The following SLC5A6 variants were observed in gnomAD, a reference collection of about 807,000 sequenced individuals.
SLC5A6 encodes the protein sodium-dependent multivitamin transporter.
A neutral mutation model predicts 67.9 loss-of-function variants in SLC5A6; 31 were observed. The ratio of observed to expected loss-of-function variants is 0.46; its 90% CI spans 0.34 to 0.62. The LOEUF (loss-of-function observed/expected upper bound fraction) is 0.62, where lower values mean the gene tolerates loss of function less well. Ranked by LOEUF, SLC5A6 falls within the 20% of genes least tolerant of loss-of-function variation. The pLI, the probability that SLC5A6 is intolerant of heterozygous loss-of-function variation, is 0.01. For missense variants in SLC5A6, 673 were observed against 812.8 expected (o/e 0.83, Z 2.09); for synonymous variants, 343 against 331.0 (o/e 1.04, Z -0.39).
rs906221497 is a variant in SLC5A6 at position 27,199,628 on chromosome 2, T to C, written c.*808A>G. On this transcript the variant is annotated 3_prime_UTR_variant, in exon 17 of 17. Coordinates refer to ENST00000310574, the MANE Select transcript of SLC5A6 (RefSeq NM_021095.4). ...AGTTTTTATTCCCCAGGAACAAAGA[T>C]AATGTGGAGAAGAAACTCCAAAAGG... 9 of 152,358 alleles carry C rather than the reference T, an allele frequency of 5.9e-5. No individual in the cohort carries two copies. Among genetic ancestry groups the C allele is most frequent in the Admixed American group, 5.9e-4 (9 of 15,268 alleles). The allele number at this position is 152,358 out of a possible 1,614,324, so 9.4% of individuals were successfully genotyped here.
At chr2:27,203,955 C>T in intron 9 of SLC5A6, 88 bp from the exon 10 acceptor site, 1 of 937,072 alleles carries the variant, frequency 1.1e-6, no homozygotes, top group Non-Finnish European at 1.7e-6. Context: ...TACATGTGCC[C>T]CAGCGAGTCT....
chr2:27,203,346 C>A lies in SLC5A6; in HGVS notation c.1095-1G>T. ...TGAATTAAAAGCAGAGGATATAGTG[C>A]TGAAAAAGAGGAAGAGGATGAGGAG... On this transcript the variant is annotated splice_acceptor_variant, in intron 10 of 16. Transcript: ENST00000310574. LOFTEE classifies it high-confidence loss of function. 1 of 1,613,808 alleles carries A rather than the reference C, an allele frequency of 6.2e-7. No individual in the cohort carries two copies. Among genetic ancestry groups the A allele is most frequent in the Non-Finnish European group, 8.5e-7 (1 of 1,179,900 alleles).
Position 27,203,780 on chromosome 2 carries a change from TGA to T in SLC5A6, c.1091_1092del (p.Leu364GlnfsTer8). 6.2e-7 allele frequency: 1 copy of T among 1,612,236 alleles called. No individual in the cohort carries two copies. The highest frequency in any genetic ancestry group is 8.5e-7 in the Non-Finnish European group (1 of 1,178,380). ...LFIACLFSGS[L>X]STISSAFNSL... ...GAGGGAAATCGTTAAAGTGGGTACC[TGA>T]GAGAGCCGCTGAAGAGGCAGGCAAT... On this transcript the variant is annotated frameshift_variant and splice_region_variant, in exon 10 of 17. Coordinates refer to ENST00000310574, the MANE Select transcript of SLC5A6 (RefSeq NM_021095.4). LOFTEE classifies it high-confidence loss of function.
At chr2:27,210,136 G>A (rs1252049255) in intron 2 of SLC5A6, among the ~76,000 whole-genome samples, 1 of 152,180 alleles carries the variant, frequency 6.6e-6, no homozygotes, top group Non-Finnish European at 1.5e-5. Context: ...TATGGGACAC[G>A]GAGGTACAGA....
chr2:27,200,340 C>G lies in SLC5A6; in HGVS notation c.*96G>C. The G allele has an allele frequency of 8.0e-7, 1 of 1,254,308 alleles. No homozygotes were observed. The highest frequency in any genetic ancestry group is 1.1e-6 in the Non-Finnish European group (1 of 910,606). 77.7% of individuals were successfully genotyped at this position (1,254,308 alleles called of 1,614,324 possible). On this transcript the variant is annotated 3_prime_UTR_variant, in exon 17 of 17. Coordinates refer to ENST00000310574, the MANE Select transcript of SLC5A6 (RefSeq NM_021095.4). ...TATGAGCTAGATCATCCAGGCCTGT[C>G]CCTGCAGAACACACCAAGACTCATC...
upstream of SLC5A6, chr2:27,212,281 C>T: frequency 5.1e-6 from 8 of 1,554,124 alleles, no homozygotes; most frequent in Non-Finnish European, 7.0e-6. Flanking sequence ...GCCGCTTAGG[C>T]CACGCCCGGG....
intron 2 of SLC5A6, among the ~76,000 whole-genome samples, chr2:27,210,632 C>T (rs1310404067): frequency 6.9e-6 from 1 of 144,992 alleles, no homozygotes; most frequent in Non-Finnish European, 1.5e-5. Flanking sequence ...TTAGTAGAGA[C>T]GAGATTTCAC....
rs1199488098 is a variant in SLC5A6, at chr2:27,200,084, G to A, written c.*352C>T. On this transcript the variant is annotated 3_prime_UTR_variant, in exon 17 of 17. Coordinates refer to ENST00000310574, the MANE Select transcript of SLC5A6 (RefSeq NM_021095.4). ...AGGCCCTGGGGCAATTATAACCAGA[G>A]TGCTGTTTCTAGCCACTTACTTCAA... is the stretch of plus-strand genomic sequence containing the variant. The A allele has an allele frequency of 5.6e-6, 1 of 179,434 alleles. No individual in the cohort carries two copies. Among genetic ancestry groups the A allele is most frequent in the Non-Finnish European group, 1.2e-5 (1 of 85,446 alleles). The allele number at this position is 179,434 out of a possible 1,614,324, so 11.1% of individuals were successfully genotyped here. A position where few individuals can be genotyped will look rare whatever the true frequency, so the allele number is the denominator to read the frequency against.
chr2:27,207,607 G>A lies in SLC5A6; in HGVS notation c.44C>T (p.Ser15Leu), dbSNP rs200072589. The change falls in exon 3 of 17, where the codon TCG becomes TTG. Residue 15 changes from serine to leucine, a missense_variant. Transcript: ENST00000310574. The surrounding 1 kb of genome is among the most constrained non-coding windows in gnomAD (Gnocchi z 5.5). Reference sequence around the variant, plus strand: ...GGTAGACATGCCCACGCTTGTGCCCGAGGTTGGGGAAAGAGGGGCTGAGGT... The same window carrying A: ...GGTAGACATGCCCACGCTTGTGCCCAAGGTTGGGGAAAGAGGGGCTGAGGT... ...VSTSAPLSPT[S>L]GTSVGMSTFS... 6.3e-5 allele frequency: 102 copies of A among 1,614,206 alleles called. No homozygotes were observed. Among genetic ancestry groups the A allele is most frequent in the East Asian group, 1.1e-4 (5 of 44,884 alleles).
rs199539518 is a variant in SLC5A6, at chr2:27,207,666, G to A, written c.-16C>T. The A allele has an allele frequency of 2.4e-5, 38 of 1,596,554 alleles. No homozygotes were observed. The highest frequency in any genetic ancestry group is 2.8e-5 in the Non-Finnish European group (33 of 1,168,110). ...CTACACTCATATCCTCACTGTGTCT[G>A]TGATCTGCAGCCAGTTGCTGCTCCA... On this transcript the variant is annotated 5_prime_UTR_variant, in exon 3 of 17. Coordinates refer to ENST00000310574, the MANE Select transcript of SLC5A6 (RefSeq NM_021095.4). This position sits in a 1 kb window ranked among gnomAD's most constrained non-coding sequence, Gnocchi z 5.5.
rs1674588116 is a variant in SLC5A6 at position 27,212,194 on chromosome 2, G to C, written c.-382C>G. 2 of 1,551,322 alleles carry C rather than the reference G, an allele frequency of 1.3e-6. No homozygotes were observed. Among genetic ancestry groups the C allele is most frequent in the African/African-American group, 2.7e-5 (2 of 73,134 alleles). On this transcript the variant is annotated 5_prime_UTR_variant, in exon 1 of 17. Coordinates refer to ENST00000310574, the MANE Select transcript of SLC5A6 (RefSeq NM_021095.4). Reference sequence around the variant, plus strand: ...GGTCGGCCAGTATCCCCGAAAGAGGGCTAGGGCGCATGAAGACCAGCGCAG... The same window carrying C: ...GGTCGGCCAGTATCCCCGAAAGAGGCCTAGGGCGCATGAAGACCAGCGCAG...
At chr2:27,210,418 A>G (rs1674385078) in intron 2 of SLC5A6, among the ~76,000 whole-genome samples, 1 of 150,990 alleles carries the variant, frequency 6.6e-6, no homozygotes, top group South Asian at 2.1e-4. Flanking sequence ...CACAAACAGC[A>G]GATTGTGGGA....
chr2:27,211,982 C>A (rs1271143577), intron 1 of SLC5A6, 38 bp downstream of exon 1: 2 of 581,946 alleles, frequency 3.4e-6, no homozygotes. Context: ...CCCCTGCCCG[C>A]CCCCTGCCCG....
chr2:27,204,004 G>C, intron 9 of SLC5A6, 137 bp from the exon 10 acceptor site: 1 of 647,534 alleles, frequency 1.5e-6, no homozygotes. Context: ...CCAGGGCCTG[G>C]GGCACCTCTG....
chr2:27,201,510 C>G, intron 14 of SLC5A6, 57 bp from the exon 15 acceptor site: 1 of 1,390,568 alleles, frequency 7.2e-7, no homozygotes, highest in Non-Finnish European at 1.0e-6. Flanking sequence ...ATTCCTTGGG[C>G]ACCAATCTCT....
chr2:27,210,507 T>G (rs1483671816), intron 2 of SLC5A6, among the ~76,000 whole-genome samples: 1 of 148,522 alleles, frequency 6.7e-6, no homozygotes, highest in Admixed American at 6.7e-5. Context: ...CTCGGCTCAC[T>G]GCAACCTCCA....
At chr2:27,204,623 G>T in intron 8 of SLC5A6, 33 bp from the exon 9 acceptor site, 9 of 1,611,256 alleles carry the variant, frequency 5.6e-6, no homozygotes, top group Non-Finnish European at 7.6e-6. Flanking sequence ...GAGGAGAGCC[G>T]GCGTTAACAG....
intron 5 of SLC5A6, 78 bp from the exon 6 acceptor site, chr2:27,206,171 A>G: frequency 8.4e-7 from 1 of 1,193,988 alleles, no homozygotes; most frequent in Non-Finnish European, 1.2e-6. Flanking sequence ...CAATCACGTC[A>G]TGCCACAGAG....
chr2:27,211,289 A>G (rs893922170), intron 2 of SLC5A6, among the ~76,000 whole-genome samples, 178 bp downstream of exon 2: 69 of 152,204 alleles, frequency 4.5e-4, no homozygotes, highest in African/African-American at 1.4e-3. Flanking sequence ...CCAGGCAGAC[A>G]CCATGGGGGT....
Sources: allele counts gnomAD v4.1 joint callset (sites outside exome capture counted in the v4.1 genomes callset), GRCh38; gene constraint gnomAD v4.1.1; non-coding constraint Gnocchi (gnomAD v3.1); transcripts MANE v1.5; gene names NCBI Gene and HGNC (gene_info 2026-07-23, HGNC 2026-07-21).